The following FHDC1 variants were observed in gnomAD, a reference collection of about 807,000 sequenced individuals.
FHDC1 encodes the protein FH2 domain containing 1.
A neutral mutation model predicts 52.6 loss-of-function variants in FHDC1; 25 were observed. The observed-to-expected ratio is 0.48, with a 90% CI of 0.35 to 0.66. The LOEUF is 0.66. FHDC1 is among the 30% of genes least tolerant of loss of function. FHDC1 has a pLI of 0.01. For missense variants in FHDC1, 1,459 were observed against 1,452.8 expected (o/e 1.00, Z -0.07); for synonymous variants, 616 against 581.5 (o/e 1.06, Z -0.85).
the FHDC1 span, among the ~76,000 whole-genome samples, chr4:152,926,287 CACACACACACACACACAA>C: frequency 6.6e-6 from 1 of 151,054 alleles, no homozygotes; most frequent in African/African-American, 2.4e-5. Context: ...CACACACACA[CACACACACACACACACAA>C]ACAATACACA....
chr4:152,927,903 T>G, the FHDC1 span: 1 of 1,383,900 alleles, frequency 7.2e-7, no homozygotes, highest in Admixed American at 1.7e-5. Flanking sequence ...GTGAAGCTGT[T>G]GGCAGGAGCT....
chr4:152,912,085 A>T, the FHDC1 span: 1 of 152,256 alleles, frequency 6.6e-6, no homozygotes, highest in African/African-American at 2.4e-5. Context: ...GAACATGTCC[A>T]TTCTTAACCA....
At chr4:152,917,421 T>G in the FHDC1 span, among the ~76,000 whole-genome samples, 1 of 152,196 alleles carries the variant, frequency 6.6e-6, no homozygotes, top group African/African-American at 2.4e-5. Context: ...TAATTCACAC[T>G]TCTAAAATTA....
At position 152,960,855 on chromosome 4, in the gene FHDC1, A is replaced by C. The variant is rs1740259114; in HGVS notation, c.850+11A>C. 1.3e-6 allele frequency: 2 copies of C among 1,537,960 alleles called. No homozygotes were observed. The highest frequency in any genetic ancestry group is 1.8e-6 in the Non-Finnish European group (2 of 1,141,274). On this transcript the variant is annotated intron_variant, in intron 6 of 11. Coordinates refer to ENST00000511601, the MANE Select transcript of FHDC1 (RefSeq NM_001371116.1). ...GAACTGCTATAAAAGGTGAGTCAACATATGATCCTTCGCAGAATTTGTTTT... is the reference window on the plus strand; with the variant it reads ...GAACTGCTATAAAAGGTGAGTCAACCTATGATCCTTCGCAGAATTTGTTTT...
chr4:152,926,267 G>GACACACACACACACAC, the FHDC1 span, among the ~76,000 whole-genome samples: 73 of 144,538 alleles, frequency 5.1e-4, no homozygotes, highest in African/African-American at 1.0e-3. Flanking sequence ...TTAAAATACA[G>GACACACACACACACAC]ACACACACAC....
chr4:152,935,862 AGAGT>A (rs547107889), upstream of FHDC1, among the ~76,000 whole-genome samples: 422 of 151,800 alleles, frequency 2.8e-3, 3 homozygotes, highest in African/African-American at 9.9e-3. Flanking sequence ...CGTGTATATA[AGAGT>A]GTGTGCGCGC....
At chr4:152,953,209 C>A (rs1181709726) in intron 2 of FHDC1, among the ~76,000 whole-genome samples, 1 of 151,952 alleles carries the variant, frequency 6.6e-6, no homozygotes, top group Non-Finnish European at 1.5e-5. Context: ...TAAGTTGAAC[C>A]ATCATAGGTC....
At chr4:152,934,943 C>T (rs1307422709), upstream of FHDC1, among the ~76,000 whole-genome samples, 1 of 152,194 alleles carries the variant, frequency 6.6e-6, no homozygotes, top group Non-Finnish European at 1.5e-5. Flanking sequence ...CACTCAACTC[C>T]TCACTTTCGA....
rs759276270 is a variant in FHDC1 at position 152,975,580 on chromosome 4, G to A, written c.2289G>A (p.Glu763=). ...GATCTGTGGGTAGCAGCGACCCTGA[G>A]AACAAAGATCCTAGACCTCTGTTCT... ...ALGSVGSSDP[E]NKDPRPLFCI... Residue 763 remains glutamate, a synonymous_variant, in exon 12 of 12, where the codon GAG becomes GAA. Coordinates refer to ENST00000511601, the MANE Select transcript of FHDC1 (RefSeq NM_001371116.1). 6 of 1,613,622 alleles carry A rather than the reference G, an allele frequency of 3.7e-6. No individual in the cohort carries two copies. In the East Asian group the frequency reaches 6.7e-5, roughly 18 times the overall value.
Position 152,975,151 on chromosome 4 carries a change from C to A in FHDC1, c.1860C>A (p.His620Gln). Residue 620 changes from histidine (H) to glutamine (Q), a missense_variant, in exon 12 of 12, where the codon CAC becomes CAA. Around this residue, in one of 3 missense-constraint regions of FHDC1, gnomAD observed 939 missense variants for 854.5 expected, o/e 1.10. Coordinates refer to ENST00000511601, the MANE Select transcript of FHDC1 (RefSeq NM_001371116.1). ...EAPNPPSAQA[H>Q]QLAAAQPENH... The stretch of plus-strand genomic sequence containing the variant: ...CCAACCCACCCTCAGCACAGGCGCA[C>A]CAGCTTGCAGCCGCCCAGCCTGAGA... 6.2e-7 allele frequency: 1 copy of A among 1,613,042 alleles called. No homozygotes were observed. Among genetic ancestry groups the A allele is most frequent in the Non-Finnish European group, 8.5e-7 (1 of 1,180,034 alleles).
At chr4:152,913,130 A>G in the FHDC1 span, among the ~76,000 whole-genome samples, 1 of 152,326 alleles carries the variant, frequency 6.6e-6, no homozygotes, top group East Asian at 1.9e-4. Flanking sequence ...AAATCCTGCC[A>G]TTTCAACCGC....
At position 152,953,638 on chromosome 4, in the gene FHDC1, G is replaced by T. The variant is rs1739994102; in HGVS notation, c.560+78G>T. The stretch of plus-strand genomic sequence containing the variant: ...AAAGTCTGTGGGTGTGACTGAGCTG[G>T]AATTCAAATTCCTCACACCTTCAAA... On this transcript the variant is annotated intron_variant, in intron 3 of 11. Transcript: ENST00000511601. The T allele has an allele frequency of 4.1e-6, 5 of 1,233,410 alleles. No homozygotes were observed. In the South Asian group the frequency reaches 6.2e-5, roughly 15 times the overall value. 76.4% of individuals were successfully genotyped at this position (1,233,410 alleles called of 1,614,324 possible).
rs748952216 is a variant in FHDC1 at position 152,975,929 on chromosome 4, G to C, written c.2638G>C (p.Ala880Pro). 5 of 1,513,734 alleles carry C rather than the reference G, an allele frequency of 3.3e-6. No homozygotes were observed. Among genetic ancestry groups the C allele is most frequent in the Non-Finnish European group, 4.4e-6 (5 of 1,133,454 alleles). The allele number at this position is 1,513,734 out of a possible 1,614,324, so 93.8% of individuals were successfully genotyped here. Reference protein sequence around the residue: ...ASPGASKPGSARRSQGAVAKS... With the variant: ...ASPGASKPGSPRRSQGAVAKS... ...TCCCGGGGCCTCCAAGCCCGGGAGCGCCCGGCGGAGCCAGGGGGCAGTGGC... is the reference window on the plus strand; with the variant it reads ...TCCCGGGGCCTCCAAGCCCGGGAGCCCCCGGCGGAGCCAGGGGGCAGTGGC... Residue 880 changes from alanine to proline, a missense_variant, in exon 12 of 12, where the codon GCC (alanine) becomes CCC (proline). Around this residue, in one of 3 missense-constraint regions of FHDC1, gnomAD observed 939 missense variants for 854.5 expected, o/e 1.10. Transcript: ENST00000511601.
chr4:152,936,684 G>T (rs1390997005), intron 1 of FHDC1, among the ~76,000 whole-genome samples: 3 of 152,278 alleles, frequency 2.0e-5, no homozygotes, highest in Non-Finnish European at 4.4e-5. Context: ...CCCTGGAGGC[G>T]AGGACGCGCC....
chr4:152,945,403 T>G (rs1328633433), intron 2 of FHDC1, among the ~76,000 whole-genome samples: 1 of 152,250 alleles, frequency 6.6e-6, no homozygotes, highest in Admixed American at 6.5e-5. Flanking sequence ...GTTTAAAAAT[T>G]ATTTTTAATT....
In FHDC1 at chr4:152,975,106, G is replaced by C. The variant is rs543033549; in HGVS notation, c.1815G>C (p.Ser605=). 5.6e-5 allele frequency: 91 copies of C among 1,612,414 alleles called. No homozygotes were observed. The South Asian group carries it at 9.3e-4, about 17-fold the overall frequency. The change falls in exon 12 of 12, where the codon TCG becomes TCC. Residue 605 remains serine (S), a synonymous_variant. Coordinates refer to ENST00000511601, the MANE Select transcript of FHDC1 (RefSeq NM_001371116.1). ...GCTTTGCACACAAACCTCAGGCCTC[G>C]GGGGGCCAGGAGGAGGCCCCCAACC... is the stretch of plus-strand genomic sequence containing the variant. ...DSSFAHKPQA[S]GGQEEAPNPP... is the part of the protein sequence containing the mutation.
the FHDC1 span, among the ~76,000 whole-genome samples, chr4:152,929,145 G>A: frequency 1.2e-3 from 185 of 152,194 alleles, no homozygotes; most frequent in African/African-American, 4.2e-3. This position sits in a 1 kb window ranked among gnomAD's most constrained non-coding sequence, Gnocchi z 4.1. Context: ...CATTGGCTCA[G>A]TCCAGAAAAC....
intron 8 of FHDC1, among the ~76,000 whole-genome samples, chr4:152,963,484 C>A (rs1469590489): frequency 6.6e-6 from 1 of 152,014 alleles, no homozygotes; most frequent in South Asian, 2.1e-4. Flanking sequence ...TGTTTTTAGG[C>A]AAATAAGGCA....
chr4:152,936,464 A>T (rs986036213), intron 1 of FHDC1, 55 bp downstream of exon 1: 1 of 151,774 alleles, frequency 6.6e-6, no homozygotes, highest in Non-Finnish European at 1.5e-5. Context: ...GGACACGGGG[A>T]GCTGGAGCCC....
Sources: gnomAD v4.1 joint callset for allele counts (sites outside exome capture counted in the v4.1 genomes callset) on GRCh38, gnomAD v4.1.1 for gene constraint, gnomAD v4.1.1 regional missense constraint, Gnocchi (gnomAD v3.1) non-coding constraint, MANE v1.5 for transcripts, NCBI Gene and HGNC (gene_info 2026-07-23, HGNC 2026-07-21) for gene names.